DYNC1H1: variants seen among roughly 807,000 people sequenced by gnomAD.
DYNC1H1 encodes dynein cytoplasmic 1 heavy chain 1.
DYNC1H1 carries 51 observed loss-of-function variants against 527.1 expected under a neutral mutation model. That is an observed-to-expected ratio of 0.10 (90% CI 0.08 to 0.12). The LOEUF is 0.12. Ranked by LOEUF, DYNC1H1 falls within the 10% of genes least tolerant of loss-of-function variation. The pLI, the probability that DYNC1H1 is intolerant of heterozygous loss-of-function variation, is 1.00. For synonymous variants in DYNC1H1, 2,189 were observed against 2,278.8 expected (o/e 0.96, Z 1.12); for missense variants, 2,771 against 5,971.8 (o/e 0.46, Z 17.66).
intron 64 of DYNC1H1, chr14:102,040,912 T>A: frequency 1.8e-6 from 1 of 568,630 alleles, no homozygotes; most frequent in Non-Finnish European, 3.2e-6. Flanking sequence ...GAGCTGTGAT[T>A]GCACCACTGC....
At position 101,994,115 on chromosome 14, in the gene DYNC1H1, TA is replaced by T. The variant is rs113658807; in HGVS notation, c.3016-65del. Reference sequence around the variant, plus strand: ...TTTCTTTCAGTTCATTTTAATTAAGTAAAAGGTGACACTTAGATTACCATTT... The same window carrying T: ...TTTCTTTCAGTTCATTTTAATTAAGTAAAGGTGACACTTAGATTACCATTT... On this transcript the variant is annotated intron_variant, in intron 11 of 77. Transcript: ENST00000360184. 6,262 of 1,610,308 alleles carry T rather than the reference TA, an allele frequency of 3.9e-3. 138 individuals are homozygous for T. The Admixed American group carries it at 0.042, about 11-fold the overall frequency.
rs533681910 is a variant in DYNC1H1, at chr14:102,000,736, G to A, written c.4075-218G>A. ...ATTACAGGCATGTGCCACCACGCCCGGCTAATTTTGTATTTTTAGTAGAGA... is the reference window on the plus strand; with the variant it reads ...ATTACAGGCATGTGCCACCACGCCCAGCTAATTTTGTATTTTTAGTAGAGA... On this transcript the variant is annotated intron_variant, in intron 18 of 77. Coordinates refer to ENST00000360184, the MANE Select transcript of DYNC1H1 (RefSeq NM_001376.5). The A allele has an allele frequency of 4.9e-5, 26 of 528,982 alleles. No individual in the cohort carries two copies. In the East Asian group the frequency reaches 6.5e-4, roughly 13 times the overall value. 32.8% of individuals were successfully genotyped at this position (528,982 alleles called of 1,614,324 possible). A position where few individuals can be genotyped will look rare whatever the true frequency, so the allele number is the denominator to read the frequency against.
At chr14:102,007,485 C>A (rs1219649268) in intron 28 of DYNC1H1, among the ~76,000 whole-genome samples, 1 of 152,108 alleles carries the variant, frequency 6.6e-6, no homozygotes, top group Non-Finnish European at 1.5e-5. Flanking sequence ...TTTTTTGGCA[C>A]AGAAGGAAAG....
rs2048481234 is a variant in DYNC1H1, at chr14:102,029,058, C to G, written c.9469-481C>G. ...AAATCCACTCTGAGCTTGTAGGTGTCCTGCTGCCCAGCCCCTGCAGGCCAT... is the reference window on the plus strand; with the variant it reads ...AAATCCACTCTGAGCTTGTAGGTGTGCTGCTGCCCAGCCCCTGCAGGCCAT... On this transcript the variant is annotated intron_variant, in intron 48 of 77. Transcript: ENST00000360184. The surrounding 1 kb of genome is among the most constrained non-coding windows in gnomAD (Gnocchi z 5.3). 5.1e-6 allele frequency: 1 copy of G among 197,752 alleles called. No individual in the cohort carries two copies. Among genetic ancestry groups the G allele is most frequent in the African/African-American group, 2.4e-5 (1 of 42,422 alleles). 12.2% of individuals were successfully genotyped at this position (197,752 alleles called of 1,614,324 possible).
At chr14:101,978,575 G>A (rs2047828203) in intron 2 of DYNC1H1, among the ~76,000 whole-genome samples, 2 of 152,236 alleles carry the variant, frequency 1.3e-5, no homozygotes, top group African/African-American at 4.8e-5. Context: ...TGCCTGTTGT[G>A]TGCAAGGTGT....
At chr14:101,993,520 C>G (rs189024598) in intron 11 of DYNC1H1, among the ~76,000 whole-genome samples, 2 of 152,198 alleles carry the variant, frequency 1.3e-5, no homozygotes. Flanking sequence ...CCTTCACTGG[C>G]TCTGCCCCAT....
chr14:102,023,080 T>C (rs1014814772), intron 43 of DYNC1H1, 200 bp downstream of exon 43: 7 of 792,478 alleles, frequency 8.8e-6, no homozygotes, highest in Non-Finnish European at 1.4e-5. Context: ...CTGGGCAACA[T>C]AGTAAGACTC....
chr14:102,048,709 G>A lies in DYNC1H1; in HGVS notation c.13372+40G>A, dbSNP rs1416694538. On this transcript the variant is annotated intron_variant, in intron 74 of 77. Coordinates refer to ENST00000360184, the MANE Select transcript of DYNC1H1 (RefSeq NM_001376.5). ...GAACTCGTGGTGTGGCTTCCGGCGG[G>A]CACCTTGGCCAGGGGCCACAACCCA... The A allele has an allele frequency of 4.4e-6, 7 of 1,601,252 alleles. No individual in the cohort carries two copies. In the Admixed American group the frequency reaches 6.7e-5, roughly 15 times the overall value.
In DYNC1H1 at chr14:102,048,703, C is replaced by T. The variant is rs377541730; in HGVS notation, c.13372+34C>T. 5.7e-5 allele frequency: 91 copies of T among 1,602,784 alleles called. No individual in the cohort carries two copies. The Admixed American group carries it at 7.7e-4, about 14-fold the overall frequency. ...GAGGCCGAACTCGTGGTGTGGCTTC[C>T]GGCGGGCACCTTGGCCAGGGGCCAC... On this transcript the variant is annotated intron_variant, in intron 74 of 77. Coordinates refer to ENST00000360184, the MANE Select transcript of DYNC1H1 (RefSeq NM_001376.5).
chr14:101,992,101 A>G (rs1289631617), intron 11 of DYNC1H1, among the ~76,000 whole-genome samples: 2 of 152,150 alleles, frequency 1.3e-5, no homozygotes, highest in African/African-American at 4.8e-5. Context: ...AGCAAATCTC[A>G]GATATAATAT....
At chr14:102,048,067 C>G in intron 73 of DYNC1H1, 39 bp downstream of exon 73, 1 of 1,584,098 alleles carries the variant, frequency 6.3e-7, no homozygotes. Context: ...GTCTCAAGGT[C>G]CCAGGTGCTG....
intron 15 of DYNC1H1, 96 bp downstream of exon 15, chr14:101,995,396 G>C (rs935972028): frequency 6.8e-6 from 10 of 1,472,400 alleles, no homozygotes; most frequent in Non-Finnish European, 9.5e-6. Context: ...CGGATCACGA[G>C]GTCAGGAGAT....
chr14:102,032,854 T>C, intron 52 of DYNC1H1: 1 of 605,690 alleles, frequency 1.7e-6, no homozygotes, highest in Non-Finnish European at 2.9e-6. Flanking sequence ...CCCTGTCTCA[T>C]TAAAAAAGAA....
chr14:101,994,911 A>C, intron 13 of DYNC1H1, 62 bp downstream of exon 13: 2 of 1,613,810 alleles, frequency 1.2e-6, no homozygotes, highest in Non-Finnish European at 1.7e-6. Flanking sequence ...TTTCTGTTAG[A>C]CTGATATTCA....
rs1472095466 is a variant in DYNC1H1 at position 102,041,899 on chromosome 14, C to T, written c.12103-114C>T. 5.4e-6 allele frequency: 8 copies of T among 1,488,400 alleles called. No homozygotes were observed. The East Asian group carries it at 1.9e-4, about 35-fold the overall frequency. The allele number at this position is 1,488,400 out of a possible 1,614,324, so 92.2% of individuals were successfully genotyped here. A position where few individuals can be genotyped will look rare whatever the true frequency, so the allele number is the denominator to read the frequency against. On this transcript the variant is annotated intron_variant, in intron 65 of 77. Transcript: ENST00000360184. This position sits in a 1 kb window ranked among gnomAD's most constrained non-coding sequence, Gnocchi z 4.5. ...ACTCCTGGCTGCATGGTGCCCACAC[C>T]TCTGGGCCCAGAAAGAACATCTTCT... is the stretch of plus-strand genomic sequence containing the variant.
rs1335439055 is a variant in DYNC1H1, at chr14:101,983,040, CTG to C, written c.986_987del (p.Val329GlufsTer2). On this transcript the variant is annotated frameshift_variant, in exon 6 of 78. Transcript: ENST00000360184. LOFTEE classifies it high-confidence loss of function. The surrounding 1 kb of genome is among the most constrained non-coding windows in gnomAD (Gnocchi z 5.3). ...ATAGGTCTAAAACAGGCTTTGGAAA[CTG>C]TGAATGACTACAATCCTCTGATGAA... The C allele has an allele frequency of 6.2e-7, 1 of 1,614,200 alleles. No homozygotes were observed. Among genetic ancestry groups the C allele is most frequent in the Non-Finnish European group, 8.5e-7 (1 of 1,180,046 alleles).
At chr14:102,026,101 G>A (rs561087081) in intron 43 of DYNC1H1, among the ~76,000 whole-genome samples, 29 of 145,688 alleles carry the variant, frequency 2.0e-4, no homozygotes, top group African/African-American at 6.6e-4. Context: ...GTGACAGAGC[G>A]AGGCTACAAA....
At position 102,012,971 on chromosome 14, in the gene DYNC1H1, C is replaced by T. The variant is rs558302393; in HGVS notation, c.7014+501C>T. On this transcript the variant is annotated intron_variant, in intron 34 of 77. Coordinates refer to ENST00000360184, the MANE Select transcript of DYNC1H1 (RefSeq NM_001376.5). This position sits in a 1 kb window ranked among gnomAD's most constrained non-coding sequence, Gnocchi z 4.9. ...GCAGTAAGAAAGCAAGAAGACAGGCCGGGCGCGGTGGCTCACGCCTGTAAT... is the reference window on the plus strand; with the variant it reads ...GCAGTAAGAAAGCAAGAAGACAGGCTGGGCGCGGTGGCTCACGCCTGTAAT... 4.2e-5 allele frequency: 8 copies of T among 190,750 alleles called. No individual in the cohort carries two copies. Among genetic ancestry groups the T allele is most frequent in the East Asian group, 2.6e-4 (2 of 7,746 alleles). 11.8% of individuals were successfully genotyped at this position (190,750 alleles called of 1,614,324 possible). A position where few individuals can be genotyped will look rare whatever the true frequency, so the allele number is the denominator to read the frequency against.
intron 44 of DYNC1H1, 112 bp downstream of exon 44, chr14:102,026,819 TCTC>T: frequency 6.8e-7 from 1 of 1,479,716 alleles, no homozygotes; most frequent in Non-Finnish European, 9.2e-7. Context: ...ACCTCAGCCT[TCTC>T]CACCAAGCAG....
Sources: gnomAD v4.1 joint callset for allele counts (sites outside exome capture counted in the v4.1 genomes callset) on GRCh38, gnomAD v4.1.1 for gene constraint, Gnocchi (gnomAD v3.1) non-coding constraint, MANE v1.5 for transcripts, NCBI Gene and HGNC (gene_info 2026-07-23, HGNC 2026-07-21) for gene names.